Variants in SGCZ observed in about 807,000 individuals in gnomAD.
SGCZ encodes sarcoglycan zeta, also known as zeta-sarcoglycan.
In SGCZ, 40 loss-of-function variants were observed where a neutral mutation model predicts 41.3. The observed-to-expected ratio is 0.97, with a 90% CI of 0.75 to 1.26. The LOEUF is 1.26. Among genes scored for constraint, SGCZ ranks in the 50% most tolerant of loss-of-function variants. SGCZ has a pLI of 0.00. For missense variants in SGCZ, 552 were observed against 369.8 expected (o/e 1.49, Z -4.04); for synonymous variants, 206 against 137.5 (o/e 1.50, Z -3.49).
At chr8:14,485,990 C>A (rs188673131) in intron 2 of SGCZ, among the ~76,000 whole-genome samples, 3,836 of 151,802 alleles carry the variant, frequency 0.025, 109 homozygotes, top group African/African-American at 0.068. Flanking sequence ...TACAGGCGTC[C>A]GCCACCGCGC....
At chr8:14,387,396 T>C (rs2117207691) in intron 2 of SGCZ, among the ~76,000 whole-genome samples, 1 of 152,296 alleles carries the variant, frequency 6.6e-6, no homozygotes, top group East Asian at 1.9e-4. Context: ...AAATATCCAC[T>C]ATGTAGTATA....
chr8:14,924,089 C>T (rs1017095782), intron 1 of SGCZ, among the ~76,000 whole-genome samples: 3 of 152,208 alleles, frequency 2.0e-5, no homozygotes, highest in Admixed American at 6.5e-5. Flanking sequence ...TAAAGCCACT[C>T]GCACCTGCAT....
Position 15,166,062 on chromosome 8 carries a change from C to A in SGCZ, c.39+71523G>T, listed in dbSNP as rs114573922. Among the ~76,000 whole-genome samples, 1,398 of 152,052 alleles carry A rather than the reference C, an allele frequency of 9.2e-3. 17 individuals are homozygous for A. Among genetic ancestry groups the A allele is most frequent in the African/African-American group, 0.031 (1,283 of 41,460 alleles). On this transcript the variant is annotated intron_variant, in intron 1 of 7. Transcript: ENST00000382080. ...TTTCATAATATCGAGTGTTTTAAAC[C>A]TCGAACATTTAATAGCCTTCCCAAA...
intron 2 of SGCZ, among the ~76,000 whole-genome samples, chr8:14,348,482 G>C (rs542606838): frequency 1.2e-4 from 18 of 152,204 alleles, no homozygotes; most frequent in Admixed American, 1.0e-3. Flanking sequence ...GTATATTTGA[G>C]TCATATATAT....
chr8:14,637,850 T>C (rs1344564468), intron 1 of SGCZ, among the ~76,000 whole-genome samples: 1 of 151,894 alleles, frequency 6.6e-6, no homozygotes, highest in East Asian at 1.9e-4. Flanking sequence ...ATGAAATTGC[T>C]TCACTGGCTG....
intron 4 of SGCZ, among the ~76,000 whole-genome samples, chr8:14,232,674 C>A (rs991988086): frequency 2.6e-5 from 4 of 151,814 alleles, no homozygotes. Context: ...CATATGTATA[C>A]ATGTGCCATG....
intron 4 of SGCZ, among the ~76,000 whole-genome samples, chr8:14,214,890 G>GA (rs1375371732): frequency 7.2e-5 from 11 of 152,008 alleles, no homozygotes; most frequent in Non-Finnish European, 1.2e-4. Context: ...GAGTTGAGGA[G>GA]AAAAAATGGA....
intron 3 of SGCZ, among the ~76,000 whole-genome samples, chr8:14,289,902 C>A (rs1389164683): frequency 1.3e-5 from 2 of 151,632 alleles, no homozygotes; most frequent in Non-Finnish European, 2.9e-5. Flanking sequence ...TGTAAACTTA[C>A]AGTCATACCA....
chr8:15,005,671 A>AATACAG (rs1802589644), intron 1 of SGCZ, among the ~76,000 whole-genome samples: 1 of 151,844 alleles, frequency 6.6e-6, no homozygotes, highest in African/African-American at 2.4e-5. Context: ...CTCTGTAAAT[A>AATACAG]ATACAGCCCT....
intron 4 of SGCZ, among the ~76,000 whole-genome samples, chr8:14,237,289 A>C (rs6530736): frequency 1 from 151,536 of 152,258 alleles, 75,415 homozygotes; most frequent in East Asian, 1. Flanking sequence ...GCCTATGACA[A>C]GTCAAATCAT....
intron 1 of SGCZ, among the ~76,000 whole-genome samples, chr8:15,035,417 C>T (rs527524737): frequency 6.6e-6 from 1 of 152,088 alleles, no homozygotes; most frequent in South Asian, 2.1e-4. Context: ...AAAGGAAAAC[C>T]ATAAGACAGG....
chr8:14,567,904 C>G (rs1318531320), intron 1 of SGCZ, among the ~76,000 whole-genome samples: 1 of 152,176 alleles, frequency 6.6e-6, no homozygotes, highest in African/African-American at 2.4e-5. Flanking sequence ...AAACTCCGAA[C>G]ACATCCAAAC....
intron 1 of SGCZ, among the ~76,000 whole-genome samples, chr8:14,980,776 A>G (rs147845082): frequency 6.6e-6 from 1 of 152,294 alleles, no homozygotes; most frequent in Non-Finnish European, 1.5e-5. Flanking sequence ...TGTGAGGATT[A>G]TGGAAGTACA....
chr8:14,491,403 G>A (rs778290438), intron 2 of SGCZ, among the ~76,000 whole-genome samples: 1 of 152,104 alleles, frequency 6.6e-6, no homozygotes, highest in Non-Finnish European at 1.5e-5. Context: ...TTCAAATGAG[G>A]TGAGTCTGCA....
intron 1 of SGCZ, among the ~76,000 whole-genome samples, chr8:14,604,505 G>T (rs565006416): frequency 6.6e-6 from 1 of 152,198 alleles, no homozygotes; most frequent in Admixed American, 6.5e-5. Flanking sequence ...GTAGATGAGT[G>T]TCATATCAGG....
At chr8:14,430,353 A>G (rs1799909405) in intron 2 of SGCZ, among the ~76,000 whole-genome samples, 1 of 152,208 alleles carries the variant, frequency 6.6e-6, no homozygotes, top group Non-Finnish European at 1.5e-5. Context: ...CACCATAATC[A>G]AGTGGGTTTC....
chr8:14,270,223 TA>T (rs1371801048), intron 3 of SGCZ, among the ~76,000 whole-genome samples: 3 of 151,878 alleles, frequency 2.0e-5, no homozygotes, highest in Admixed American at 2.0e-4. Flanking sequence ...TCCCAGCTAC[TA>T]GGGAGGCTGA....
chr8:14,188,834 G>GTTTTTTTTTTTGTTTTTTTTTTT (rs869252351), intron 4 of SGCZ, among the ~76,000 whole-genome samples: 1 of 61,780 alleles, frequency 1.6e-5, no homozygotes, highest in Non-Finnish European at 2.6e-5. Flanking sequence ...GTTTTTTTTT[G>GTTTTTTTTTTTGTTTTTTTTTTT]TTTGTTTGTT....
chr8:14,397,796 T>A (rs1212260914), intron 2 of SGCZ, among the ~76,000 whole-genome samples: 1 of 152,102 alleles, frequency 6.6e-6, no homozygotes, highest in Non-Finnish European at 1.5e-5. Context: ...CTTCATCCCC[T>A]TTTAGGGTAC....
Sources: allele counts gnomAD v4.1 joint callset (sites outside exome capture counted in the v4.1 genomes callset), GRCh38; gene constraint gnomAD v4.1.1; transcripts MANE v1.5; gene names NCBI Gene and HGNC (gene_info 2026-07-23, HGNC 2026-07-21).